Variants in TNS2 observed in about 807,000 individuals in gnomAD.
The protein encoded by TNS2 is tensin 2, also known as tensin-2.
TNS2 carries 77 observed loss-of-function variants against 155.7 expected under a neutral mutation model. The observed-to-expected ratio is 0.49, with a 90% CI of 0.41 to 0.60. The LOEUF (loss-of-function observed/expected upper bound fraction) is 0.60, where lower values mean the gene tolerates loss of function less well. Among genes scored for constraint, TNS2 ranks in the 20% least tolerant of loss-of-function variants. The pLI is 0.00. For missense variants in TNS2, 1,703 were observed against 1,868.8 expected (o/e 0.91, Z 1.64); for synonymous variants, 726 against 763.9 (o/e 0.95, Z 0.82).
At chr12:53,047,291 C>T (rs1943755500), upstream of TNS2, among the ~76,000 whole-genome samples, 2 of 142,660 alleles carry the variant, frequency 1.4e-5, no homozygotes, top group South Asian at 2.4e-4. Context: ...GGCGCGGGCA[C>T]GGGCGGGATG....
At position 53,063,049 on chromosome 12, in the gene TNS2, GA is replaced by G. The variant is rs777364361; in HGVS notation, c.3824-39del. 1 of 1,507,506 alleles carries G rather than the reference GA, an allele frequency of 6.6e-7. No homozygotes were observed. Among genetic ancestry groups the G allele is most frequent in the Non-Finnish European group, 8.8e-7 (1 of 1,131,742 alleles). 93.4% of individuals were successfully genotyped at this position (1,507,506 alleles called of 1,614,324 possible). On this transcript the variant is annotated intron_variant, in intron 25 of 28. Coordinates refer to ENST00000314250, the MANE Select transcript of TNS2 (RefSeq NM_170754.4). This position sits in a 1 kb window ranked among gnomAD's most constrained non-coding sequence, Gnocchi z 5.6. ...CAAGAGCTGGTGGGGGTGGCTAGGG[GA>G]TGGGCACTCCCTCCCTGACCCACTC...
In TNS2 at chr12:53,064,122, GGGTGAGGA is replaced by G; in HGVS notation, c.*243_*250del. 1 of 509,812 alleles carries G rather than the reference GGGTGAGGA, an allele frequency of 2.0e-6. No homozygotes were observed. The highest frequency in any genetic ancestry group is 3.5e-6 in the Non-Finnish European group (1 of 287,690). 31.6% of individuals were successfully genotyped at this position (509,812 alleles called of 1,614,324 possible). On this transcript the variant is annotated 3_prime_UTR_variant, in exon 29 of 29. Transcript: ENST00000314250. ...CAGATGGCAGAGATGGGTGTGTGAGGGGTGAGGAGGCATCAGCAGTTGAGCCCCGAAGG... is the reference window on the plus strand; with the variant it reads ...CAGATGGCAGAGATGGGTGTGTGAGGGGCATCAGCAGTTGAGCCCCGAAGG...
At chr12:53,052,402 T>C in intron 2 of TNS2, 53 bp from the exon 3 acceptor site, 3 of 1,610,384 alleles carry the variant, frequency 1.9e-6, no homozygotes, top group South Asian at 2.2e-5. Context: ...GGCCATTCCT[T>C]CCACTGTCCC....
chr12:53,054,390 C>T lies in TNS2; in HGVS notation c.471C>T (p.His157=), dbSNP rs750638637. 2.0e-5 allele frequency: 32 copies of T among 1,610,980 alleles called. No individual in the cohort carries two copies. The highest frequency in any genetic ancestry group is 2.7e-5 in the Non-Finnish European group (32 of 1,179,362). Residue 157 remains histidine (H), a synonymous_variant, in exon 7 of 29, where the codon CAC becomes CAT. Coordinates refer to ENST00000314250, the MANE Select transcript of TNS2 (RefSeq NM_170754.4). ...ARPDEQRHRG[H]LRELAHVLQS... ...CCGATGAACAGCGGCACCGGGGCCA[C>T]CTGCGCGAGCTGGCCCATGTGCTGC...
At position 53,060,704 on chromosome 12, in the gene TNS2, C is replaced by A. The variant is rs761725984; in HGVS notation, c.2798C>A (p.Thr933Asn). 6.3e-7 allele frequency: 1 copy of A among 1,588,874 alleles called. No homozygotes were observed. The highest frequency in any genetic ancestry group is 1.1e-5 in the South Asian group (1 of 88,464). The change falls in exon 20 of 29, where the codon ACC (threonine) becomes AAC (asparagine). Residue 933 changes from threonine to asparagine, a missense_variant. Physicochemically the swap from Thr to Asn is moderately conservative, Grantham distance 65. Coordinates refer to ENST00000314250, the MANE Select transcript of TNS2 (RefSeq NM_170754.4). The surrounding 1 kb of genome is among the most constrained non-coding windows in gnomAD (Gnocchi z 6.1). ...STRRQDTRSP[T>N]SAPTQRLSPG... ...CGGCGACAGGACACCAGGTCCCCCA[C>A]CTCAGCGCCCACTCAGAGACTGAGT...
In TNS2 at chr12:53,060,948, C is replaced by T. The variant is rs1400348972; in HGVS notation, c.3042C>T (p.His1014=). The change falls in exon 20 of 29, where the codon CAC becomes CAT. Residue 1014 remains histidine (H), a synonymous_variant. Coordinates refer to ENST00000314250, the MANE Select transcript of TNS2 (RefSeq NM_170754.4). This position sits in a 1 kb window ranked among gnomAD's most constrained non-coding sequence, Gnocchi z 6.1. The part of the protein sequence containing the change: ...PVPTTLPGLR[H]APWQGPRGPP... ...CCACCACACTTCCTGGCCTCCGCCA[C>T]GCCCCCTGGCAAGGCCCTCGAGGCC... 4.4e-6 allele frequency: 7 copies of T among 1,601,644 alleles called. No individual in the cohort carries two copies. Among genetic ancestry groups the T allele is most frequent in the East Asian group, 2.3e-5 (1 of 44,360 alleles).
In TNS2 at chr12:53,062,686, G is replaced by A. The variant is rs769850579; in HGVS notation, c.3812G>A (p.Arg1271His). 2.0e-5 allele frequency: 33 copies of A among 1,613,762 alleles called. No homozygotes were observed. The highest frequency in any genetic ancestry group is 1.6e-4 in the Middle Eastern group (1 of 6,082). ...ATGAGCACAGCGGCAGACCTCCTGC[G>A]TCAGGGTGCTGGTAGAGACTTCCCC... ...TNMSTAADLL[R>H]QGAACSVLYL... is the part of the protein sequence containing the mutation. Residue 1271 changes from arginine to histidine, a missense_variant, in exon 25 of 29, where the codon CGT (arginine) becomes CAT (histidine). Transcript: ENST00000314250.
Position 53,059,694 on chromosome 12 carries a change from C to T in TNS2, c.2053C>T (p.Pro685Ser). 6.2e-7 allele frequency: 1 copy of T among 1,613,172 alleles called. No homozygotes were observed. The highest frequency in any genetic ancestry group is 8.5e-7 in the Non-Finnish European group (1 of 1,179,934). ...GGTCATCCTGGAGGACCCTGGGCTGCCTGCCCTATACCCATGCCCAGCCTG... is the reference window on the plus strand; with the variant it reads ...GGTCATCCTGGAGGACCCTGGGCTGTCTGCCCTATACCCATGCCCAGCCTG... Reference protein sequence around the residue: ...EVVILEDPGLPALYPCPACEE... With the variant: ...EVVILEDPGLSALYPCPACEE... Residue 685 changes from proline to serine, a missense_variant, in exon 18 of 29, where the codon CCT becomes TCT. Physicochemically the swap from Pro to Ser is moderately conservative, Grantham distance 74 (BLOSUM62 -1). Transcript: ENST00000314250. The surrounding 1 kb of genome is among the most constrained non-coding windows in gnomAD (Gnocchi z 4.7).
chr12:53,061,052 C>T lies in TNS2; in HGVS notation c.3146C>T (p.Pro1049Leu), dbSNP rs752911457. Reference sequence around the variant, plus strand: ...TGGCTTGTGGCCAGCCCAGAGCCGCCTCAGAGCTCACCTACACCTGCTTTC... The same window carrying T: ...TGGCTTGTGGCCAGCCCAGAGCCGCTTCAGAGCTCACCTACACCTGCTTTC... ...MPWLVASPEP[P>L]QSSPTPAFPL... Residue 1049 changes from proline (P) to leucine (L), a missense_variant, in exon 20 of 29, where the codon CCT (proline) becomes CTT (leucine). Pro to Leu is a moderately conservative substitution (Grantham distance 98, BLOSUM62 -3). Transcript: ENST00000314250. 1.2e-6 allele frequency: 2 copies of T among 1,613,638 alleles called. No individual in the cohort carries two copies. Among genetic ancestry groups the T allele is most frequent in the African/African-American group, 2.7e-5 (2 of 74,930 alleles).
chr12:53,053,562 G>C (rs939470999), intron 4 of TNS2, 113 bp downstream of exon 4: 1 of 1,445,584 alleles, frequency 6.9e-7, no homozygotes, highest in South Asian at 1.2e-5. Context: ...GAGTGCTGTG[G>C]GTATTGCTCA....
At chr12:53,053,294 T>C in intron 3 of TNS2, 117 bp from the exon 4 acceptor site, 3 of 1,167,948 alleles carry the variant, frequency 2.6e-6, no homozygotes, top group Non-Finnish European at 3.8e-6. Flanking sequence ...AGCTGGAGCC[T>C]GTGCCCATCC....
intron 2 of TNS2, 63 bp from the exon 3 acceptor site, chr12:53,052,392 G>A (rs1943968154): frequency 6.2e-7 from 1 of 1,602,800 alleles, no homozygotes; most frequent in Admixed American, 1.7e-5. Context: ...GATGAGGGAA[G>A]GCCATTCCTT....
chr12:53,049,116 A>G (rs1943828526), upstream of TNS2: 2 of 1,512,250 alleles, frequency 1.3e-6, no homozygotes, highest in Non-Finnish European at 8.9e-7. Context: ...GAAGTTGGCC[A>G]TGTTCCCAGG....
In TNS2 at chr12:53,058,438, C is replaced by T. The variant is rs370402180; in HGVS notation, c.1218C>T (p.Ala406=). 3.7e-6 allele frequency: 6 copies of T among 1,614,064 alleles called. No homozygotes were observed. In the African/African-American group the frequency reaches 8.0e-5, roughly 22 times the overall value. ...LTFPKDQLDE[A]WTDERFPFQA... ...TCCCCAAGGACCAGCTTGACGAGGC[C>T]TGGACTGGTGAGTCTGAGACAAGTG... The change falls in exon 15 of 29, where the codon GCC becomes GCT. Residue 406 remains alanine (A), a synonymous_variant. Transcript: ENST00000314250.
chr12:53,062,129 A>G (rs1314476699), intron 22 of TNS2, 24 bp from the exon 23 acceptor site: 1 of 1,613,532 alleles, frequency 6.2e-7, no homozygotes. Flanking sequence ...CTAAAGCCGC[A>G]ATCTTCCCCT....
In TNS2 at chr12:53,059,603, C is replaced by T; in HGVS notation, c.1962C>T (p.Tyr654=). 1.2e-6 allele frequency: 2 copies of T among 1,611,826 alleles called. No homozygotes were observed. The highest frequency in any genetic ancestry group is 1.7e-6 in the Non-Finnish European group (2 of 1,179,188). The change falls in exon 18 of 29, where the codon TAC becomes TAT. Residue 654 remains tyrosine, a synonymous_variant. Transcript: ENST00000314250. The surrounding 1 kb of genome is among the most constrained non-coding windows in gnomAD (Gnocchi z 4.7). The part of the protein sequence containing the change: ...CRSLSEGLYP[Y]PPEMGKPATG... Reference sequence around the variant, plus strand: ...CGCTGTCAGAGGGGCTATACCCCTACCCACCTGAGATGGGGAAACCAGCCA... The same window carrying T: ...CGCTGTCAGAGGGGCTATACCCCTATCCACCTGAGATGGGGAAACCAGCCA...
Position 53,060,221 on chromosome 12 carries a change from T to G in TNS2, c.2580T>G (p.Pro860=). 1 of 1,556,674 alleles carries G rather than the reference T, an allele frequency of 6.4e-7. No homozygotes were observed. Among genetic ancestry groups the G allele is most frequent in the African/African-American group, 1.4e-5 (1 of 73,838 alleles). Residue 860 remains proline, a synonymous_variant, in exon 18 of 29, where the codon CCT becomes CCG. Coordinates refer to ENST00000314250, the MANE Select transcript of TNS2 (RefSeq NM_170754.4). The surrounding 1 kb of genome is among the most constrained non-coding windows in gnomAD (Gnocchi z 6.1). ...TEEGGDRYPL[P]GHLASAGPLA... Reference sequence around the variant, plus strand: ...AGGGAGGGGACAGGTACCCATTGCCTGGGCACCTGGCCTCAGCAGGACCTT... The same window carrying G: ...AGGGAGGGGACAGGTACCCATTGCCGGGGCACCTGGCCTCAGCAGGACCTT...
rs10431493 is a variant in TNS2, at chr12:53,062,835, C to T, written c.3823+138C>T. On this transcript the variant is annotated intron_variant, in intron 25 of 28. Coordinates refer to ENST00000314250, the MANE Select transcript of TNS2 (RefSeq NM_170754.4). ...TGAGGGCAGGGGAGCCCCATACTGT[C>T]GGGGATGAGGAATTGGGTCCTCAGC... 113,301 of 1,102,946 alleles carry T rather than the reference C, an allele frequency of 0.1. 6,308 individuals carry two copies. Among genetic ancestry groups the T allele is most frequent in the East Asian group, 0.16 (6,117 of 38,392 alleles). The allele number at this position is 1,102,946 out of a possible 1,614,324, so 68.3% of individuals were successfully genotyped here.
intron 1 of TNS2, among the ~76,000 whole-genome samples, chr12:53,051,650 C>T (rs907044228): frequency 3.9e-5 from 6 of 152,192 alleles, no homozygotes; most frequent in Non-Finnish European, 7.3e-5. Context: ...GCAAAGGTGA[C>T]GCAAGGGGTC....
Sources: allele counts gnomAD v4.1 joint callset (sites outside exome capture counted in the v4.1 genomes callset), GRCh38; gene constraint gnomAD v4.1.1; non-coding constraint Gnocchi (gnomAD v3.1); transcripts MANE v1.5; gene names NCBI Gene and HGNC (gene_info 2026-07-23, HGNC 2026-07-21).